Variants in KAZN observed in about 807,000 individuals in gnomAD.
KAZN encodes kazrin, periplakin interacting protein.
In KAZN, 40 loss-of-function variants were observed where a neutral mutation model predicts 87.4. That is an observed-to-expected ratio of 0.46 (90% CI 0.36 to 0.60). KAZN has a LOEUF of 0.60. Ranked by LOEUF, KAZN falls within the 20% of genes least tolerant of loss-of-function variation. The pLI, the probability that KAZN is intolerant of heterozygous loss-of-function variation, is 0.00. For synonymous variants in KAZN, 466 were observed against 458.3 expected, an observed-to-expected ratio of 1.02 and a Z score of -0.22; for missense variants, 898 against 1,073.9, an observed-to-expected ratio of 0.84 and a Z score of 2.29.
chr1:14,070,185 A>AAAAAAAAAAAAG (rs1570664859), intron 1 of KAZN, among the ~76,000 whole-genome samples: 1 of 149,222 alleles, frequency 6.7e-6, no homozygotes, highest in East Asian at 2.0e-4. Context: ...AAAAAAGTAA[A>AAAAAAAAAAAAG]TAAATAAAAT....
chr1:14,233,023 G>C (rs1395341191), intron 2 of KAZN, among the ~76,000 whole-genome samples: 2 of 152,196 alleles, frequency 1.3e-5, no homozygotes, highest in African/African-American at 4.8e-5. Flanking sequence ...TCATCAAATA[G>C]TGAAATGAGA....
intron 1 of KAZN, among the ~76,000 whole-genome samples, chr1:14,920,205 G>C (rs1389637369): frequency 6.6e-6 from 1 of 151,038 alleles, no homozygotes; most frequent in Non-Finnish European, 1.5e-5. Flanking sequence ...TGATCTAAAG[G>C]ATGTTCCTCT....
intron 2 of KAZN, among the ~76,000 whole-genome samples, chr1:14,312,892 G>C (rs1243782045): frequency 2.6e-5 from 4 of 152,070 alleles, no homozygotes; most frequent in African/African-American, 9.7e-5. Flanking sequence ...TGAGCCTTGA[G>C]ATGAGACCAC....
intron 2 of KAZN, among the ~76,000 whole-genome samples, chr1:14,231,749 G>A (rs1647871525): frequency 6.6e-6 from 1 of 152,140 alleles, no homozygotes; most frequent in African/African-American, 2.4e-5. Context: ...AATGAGTTAG[G>A]GTAATGCTAG....
chr1:14,274,976 A>C (rs1652236983), intron 2 of KAZN, among the ~76,000 whole-genome samples: 1 of 151,998 alleles, frequency 6.6e-6, no homozygotes, highest in South Asian at 2.1e-4. Context: ...GTATGGGACC[A>C]TTTTTGGTTT....
chr1:14,271,592 A>G (rs749276215), intron 2 of KAZN, among the ~76,000 whole-genome samples: 1 of 152,172 alleles, frequency 6.6e-6, no homozygotes, highest in East Asian at 1.9e-4. Flanking sequence ...TATTCTGTCT[A>G]TTTCCTCTCT....
intron 2 of KAZN, among the ~76,000 whole-genome samples, chr1:14,348,005 C>T (rs1249611167): frequency 6.6e-6 from 1 of 150,634 alleles, no homozygotes; most frequent in Non-Finnish European, 1.5e-5. Context: ...CCCACCTCAG[C>T]CTCCTGAGAG....
intron 1 of KAZN, among the ~76,000 whole-genome samples, chr1:14,870,431 C>T (rs1557574062): frequency 6.6e-6 from 1 of 152,202 alleles, no homozygotes; most frequent in Non-Finnish European, 1.5e-5. Context: ...CAACCTCCAC[C>T]TCCTGGGTAC....
intron 2 of KAZN, among the ~76,000 whole-genome samples, chr1:14,515,129 C>G (rs1287693378): frequency 6.6e-6 from 1 of 152,188 alleles, no homozygotes; most frequent in East Asian, 1.9e-4. Context: ...CCACCTGACA[C>G]TAGGTCATAA....
chr1:14,411,623 T>G (rs1006803623), intron 2 of KAZN, among the ~76,000 whole-genome samples: 1 of 152,188 alleles, frequency 6.6e-6, no homozygotes, highest in African/African-American at 2.4e-5. Flanking sequence ...TTCCCATTAA[T>G]AGAAGCTTGC....
At chr1:14,523,185 C>G (rs1424507764) in intron 2 of KAZN, among the ~76,000 whole-genome samples, 1 of 152,236 alleles carries the variant, frequency 6.6e-6, no homozygotes, top group Non-Finnish European at 1.5e-5. Context: ...CACCAACCCC[C>G]TGAGCCTGGC....
chr1:14,429,955 T>C (rs1446779343), intron 2 of KAZN, among the ~76,000 whole-genome samples: 6 of 152,016 alleles, frequency 3.9e-5, no homozygotes, highest in Non-Finnish European at 2.9e-5. Context: ...TCCCTGCATC[T>C]CCTGACCTCT....
chr1:14,113,311 C>A (rs1644538971), intron 1 of KAZN, among the ~76,000 whole-genome samples: 1 of 152,204 alleles, frequency 6.6e-6, no homozygotes, highest in African/African-American at 2.4e-5. Flanking sequence ...AAATACCCTG[C>A]CAACCTTGTG....
At chr1:13,924,444 G>A (rs961797520) in intron 1 of KAZN, among the ~76,000 whole-genome samples, 1 of 152,044 alleles carries the variant, frequency 6.6e-6, no homozygotes, top group Non-Finnish European at 1.5e-5. Context: ...CAGCTTTATT[G>A]AGATTTAATT....
chr1:14,826,646 C>A (rs1036688210), intron 1 of KAZN, among the ~76,000 whole-genome samples: 2 of 152,182 alleles, frequency 1.3e-5, no homozygotes, highest in African/African-American at 4.8e-5. Flanking sequence ...TGCATGCCCC[C>A]ACTGAGACTG....
At chr1:14,524,166 C>T (rs527407543) in intron 2 of KAZN, among the ~76,000 whole-genome samples, 49 of 152,194 alleles carry the variant, frequency 3.2e-4, no homozygotes, top group African/African-American at 3.9e-4. Context: ...GGATTACAGG[C>T]ATGCACCACC....
chr1:14,975,341 T>A (rs1451047638), intron 2 of KAZN, among the ~76,000 whole-genome samples: 1 of 152,156 alleles, frequency 6.6e-6, no homozygotes, highest in Non-Finnish European at 1.5e-5. Flanking sequence ...AGACATAAGC[T>A]CCTGATAGCC....
At chr1:14,758,544 C>T (rs1644642132) in intron 1 of KAZN, among the ~76,000 whole-genome samples, 1 of 151,996 alleles carries the variant, frequency 6.6e-6, no homozygotes, top group Non-Finnish European at 1.5e-5. Context: ...AACTCCTGGG[C>T]TTAAGCAATC....
At chr1:14,972,800 C>A (rs1306826719) in intron 2 of KAZN, among the ~76,000 whole-genome samples, 1 of 152,114 alleles carries the variant, frequency 6.6e-6, no homozygotes, top group Non-Finnish European at 1.5e-5. Context: ...CAGGCGGGAG[C>A]CGCTGTGCCT....
Sources: gnomAD v4.1 joint callset for allele counts (sites outside exome capture counted in the v4.1 genomes callset) on GRCh38, gnomAD v4.1.1 for gene constraint, MANE v1.5 for transcripts, NCBI Gene and HGNC (gene_info 2026-07-23, HGNC 2026-07-21) for gene names.